The following FAT3 variants were observed in gnomAD, a reference collection of about 807,000 sequenced individuals.
FAT3 encodes FAT atypical cadherin 3.
In FAT3, 95 loss-of-function variants were observed where a neutral mutation model predicts 310.2. The observed-to-expected ratio is 0.31, with a 90% CI of 0.26 to 0.36. The LOEUF (loss-of-function observed/expected upper bound fraction) is 0.36, where lower values mean the gene tolerates loss of function less well. Ranked by LOEUF, FAT3 falls within the 10% of genes least tolerant of loss-of-function variation. The pLI is 1.00. For missense variants in FAT3, 5,408 were observed against 5,715.6 expected (o/e 0.95, Z 1.74); for synonymous variants, 2,314 against 2,192.9 (o/e 1.06, Z -1.54).
Position 92,893,090 on chromosome 11 carries a change from A to G in FAT3, c.*1977A>G, listed in dbSNP as rs1949951385. 1 of 151,708 alleles carries G rather than the reference A, an allele frequency of 6.6e-6. No individual in the cohort carries two copies. 9.4% of individuals were successfully genotyped at this position (151,708 alleles called of 1,614,324 possible). ...GTCTGTGCATTATTCACTCAGACATATTTTTAGTTATTTCAATTGCGTTTA... is the reference window on the plus strand; with the variant it reads ...GTCTGTGCATTATTCACTCAGACATGTTTTTAGTTATTTCAATTGCGTTTA... On this transcript the variant is annotated 3_prime_UTR_variant, in exon 28 of 28. Transcript: ENST00000525166.
intron 24 of FAT3, among the ~76,000 whole-genome samples, chr11:92,885,034 A>G (rs1949766080): frequency 6.6e-6 from 1 of 152,218 alleles, no homozygotes; most frequent in South Asian, 2.1e-4. Context: ...AGAGAATGTC[A>G]GTAAGGTCAT....
At chr11:92,686,510 T>G (rs563181955) in intron 3 of FAT3, among the ~76,000 whole-genome samples, 1 of 152,194 alleles carries the variant, frequency 6.6e-6, no homozygotes, top group Non-Finnish European at 1.5e-5. Flanking sequence ...GGAACTGTTA[T>G]ATATTCTCAG....
chr11:92,839,141 A>G (rs1185937065), intron 17 of FAT3, among the ~76,000 whole-genome samples: 1 of 152,192 alleles, frequency 6.6e-6, no homozygotes, highest in Non-Finnish European at 1.5e-5. Flanking sequence ...TTTATGACAC[A>G]CATCAATCAG....
intron 1 of FAT3, among the ~76,000 whole-genome samples, chr11:92,287,412 G>C (rs1437538889): frequency 6.6e-6 from 1 of 152,126 alleles, no homozygotes; most frequent in African/African-American, 2.4e-5. Context: ...GTGCAGTGCA[G>C]CTGAAAAACT....
At chr11:92,496,862 G>T (rs748307030) in intron 2 of FAT3, among the ~76,000 whole-genome samples, 1 of 151,960 alleles carries the variant, frequency 6.6e-6, no homozygotes, top group Non-Finnish European at 1.5e-5. Context: ...GGCACTGAAG[G>T]CAACACCCCA....
At chr11:92,556,304 C>A (rs1204772194) in intron 3 of FAT3, among the ~76,000 whole-genome samples, 1 of 152,134 alleles carries the variant, frequency 6.6e-6, no homozygotes, top group East Asian at 1.9e-4. Context: ...GATGTTTTCC[C>A]ACCAGTCACG....
intron 3 of FAT3, among the ~76,000 whole-genome samples, chr11:92,639,214 CCTT>C (rs1941871739): frequency 6.6e-6 from 1 of 152,182 alleles, no homozygotes; most frequent in Non-Finnish European, 1.5e-5. Flanking sequence ...GAGTGTAACA[CCTT>C]CTAGGATCTC....
intron 19 of FAT3, among the ~76,000 whole-genome samples, chr11:92,848,662 G>A (rs1196734078): frequency 6.6e-6 from 1 of 152,252 alleles, no homozygotes; most frequent in Admixed American, 6.5e-5. Flanking sequence ...GATTTGTCAA[G>A]TCTTTATTAA....
intron 7 of FAT3, among the ~76,000 whole-genome samples, chr11:92,784,666 A>T (rs1946841742): frequency 6.6e-6 from 1 of 152,112 alleles, no homozygotes; most frequent in South Asian, 2.1e-4. Flanking sequence ...CATCTTTGAG[A>T]GTTACTTTGC....
intron 3 of FAT3, among the ~76,000 whole-genome samples, chr11:92,655,069 A>G (rs1942531476): frequency 6.6e-6 from 1 of 152,168 alleles, no homozygotes; most frequent in South Asian, 2.1e-4. Context: ...GTCTCAGTTC[A>G]TATAACACCT....
Position 92,761,842 on chromosome 11 carries a change from ACT to A in FAT3, c.3670-9_3670-8del, listed in dbSNP as rs1441848170. On this transcript the variant is annotated splice_polypyrimidine_tract_variant and intron_variant, in intron 4 of 27. Transcript: ENST00000525166. ...ATTTTCTCCTTTCTGATCACATCATACTCTCTTTTTCAGGTGACTGTGACAGA... is the reference window on the plus strand; with the variant it reads ...ATTTTCTCCTTTCTGATCACATCATACTCTTTTTCAGGTGACTGTGACAGA... The A allele has an allele frequency of 4.3e-6, 7 of 1,609,650 alleles. No homozygotes were observed. The highest frequency in any genetic ancestry group is 5.1e-6 in the Non-Finnish European group (6 of 1,177,476).
At chr11:92,607,918 C>T (rs1166232481) in intron 3 of FAT3, among the ~76,000 whole-genome samples, 2 of 152,076 alleles carry the variant, frequency 1.3e-5, no homozygotes, top group African/African-American at 4.8e-5. Flanking sequence ...CCCGATAAGA[C>T]TTTGAGCTGG....
chr11:92,476,109 AG>A (rs1197567420), intron 2 of FAT3, among the ~76,000 whole-genome samples: 1 of 151,862 alleles, frequency 6.6e-6, no homozygotes, highest in Non-Finnish European at 1.5e-5. Context: ...AAGTGTGTGC[AG>A]GGGAAGGGAG....
chr11:92,799,727 G>A lies in FAT3; in HGVS notation c.6714G>A (p.Gly2238=), dbSNP rs1947280414. The A allele has an allele frequency of 1.2e-6, 2 of 1,612,678 alleles. No individual in the cohort carries two copies. Among genetic ancestry groups the A allele is most frequent in the African/African-American group, 2.7e-5 (2 of 74,876 alleles). Residue 2238 remains glycine (G), a synonymous_variant, in exon 10 of 28, where the codon GGG becomes GGA. Transcript: ENST00000525166. ...FKQFNIDFDT[G]VLKVVSPLDY... ...AGTTTAACATTGACTTTGACACTGG[G>A]GTCCTGAAAGTTGTTAGCCCTTTGG...
chr11:92,796,346 G>C (rs559988289), intron 9 of FAT3, among the ~76,000 whole-genome samples: 4 of 152,236 alleles, frequency 2.6e-5, no homozygotes, highest in East Asian at 1.9e-4. Flanking sequence ...TTCACATTTG[G>C]GGGGGCTGGA....
At chr11:92,652,974 C>G (rs1021754399) in intron 3 of FAT3, among the ~76,000 whole-genome samples, 10 of 152,094 alleles carry the variant, frequency 6.6e-5, no homozygotes, top group African/African-American at 2.4e-4. Flanking sequence ...ACCAGACTGG[C>G]CAACATGGTG....
intron 2 of FAT3, among the ~76,000 whole-genome samples, chr11:92,469,915 T>C (rs2135145406): frequency 6.6e-6 from 1 of 152,352 alleles, no homozygotes; most frequent in South Asian, 2.1e-4. Context: ...ATCAAGACTT[T>C]AGAGTTTTGT....
At chr11:92,569,566 G>A (rs1955598668) in intron 3 of FAT3, among the ~76,000 whole-genome samples, 1 of 152,194 alleles carries the variant, frequency 6.6e-6, no homozygotes, top group African/African-American at 2.4e-5. Flanking sequence ...AAATCGGTGA[G>A]TTTGGTAGAT....
At chr11:92,816,747 G>A (rs370848576) in intron 13 of FAT3, among the ~76,000 whole-genome samples, 3 of 152,000 alleles carry the variant, frequency 2.0e-5, no homozygotes, top group African/African-American at 2.4e-5. Context: ...AGGCGGAGGC[G>A]GGCAGATCAC....
Sources: gnomAD v4.1 joint callset for allele counts (sites outside exome capture counted in the v4.1 genomes callset) on GRCh38, gnomAD v4.1.1 for gene constraint, MANE v1.5 for transcripts, NCBI Gene and HGNC (gene_info 2026-07-23, HGNC 2026-07-21) for gene names.